Variants in SEZ6 observed in about 807,000 individuals in gnomAD.
SEZ6 encodes the protein seizure related 6 homolog.
Under a neutral mutation model 101.0 loss-of-function variants are expected in SEZ6, and 53 were observed. That is an observed-to-expected ratio of 0.52 (90% confidence interval 0.42 to 0.66). The LOEUF (loss-of-function observed/expected upper bound fraction) is 0.66. Ranked by LOEUF, SEZ6 falls within the 30% of genes least tolerant of loss-of-function variation. The pLI is 0.00. For missense variants in SEZ6, 1,102 were observed against 1,289.4 expected (o/e 0.85, Z 2.23); for synonymous variants, 488 against 512.2 (o/e 0.95, Z 0.64).
intron 4 of SEZ6, among the ~76,000 whole-genome samples, chr17:28,964,950 G>T (rs958115410): frequency 6.6e-6 from 1 of 152,128 alleles, no homozygotes; most frequent in African/African-American, 2.4e-5. Context: ...CAGCTACGGG[G>T]GAGGCTGAGG....
At chr17:28,982,803 G>A (rs1170426663) in intron 1 of SEZ6, among the ~76,000 whole-genome samples, 1 of 152,078 alleles carries the variant, frequency 6.6e-6, no homozygotes, top group Non-Finnish European at 1.5e-5. Flanking sequence ...ACTTCTAGTA[G>A]CTGGGACTAC....
intron 1 of SEZ6, among the ~76,000 whole-genome samples, chr17:28,997,776 G>A (rs1007299288): frequency 1.3e-5 from 2 of 152,104 alleles, no homozygotes. Flanking sequence ...CAGGCATCAT[G>A]AATTCTCAAG....
Position 28,982,011 on chromosome 17 carries a change from C to A in SEZ6, c.84G>T (p.Gly28=). 6.2e-7 allele frequency: 1 copy of A among 1,607,148 alleles called. No individual in the cohort carries two copies. Among genetic ancestry groups the A allele is most frequent in the South Asian group, 1.1e-5 (1 of 90,898 alleles). Residue 28 remains glycine, a synonymous_variant, in exon 2 of 17, where the codon GGG becomes GGT. Transcript: ENST00000317338. ...HGLSLEAPTV[G]KGQAPGIEET... ...CCTCGATGCCTGGGGCTTGTCCTTT[C>A]CCCACGGTTGGGGCCTCTAAAGAGA...
chr17:28,992,820 A>C (rs377533582), intron 1 of SEZ6, among the ~76,000 whole-genome samples: 2 of 152,284 alleles, frequency 1.3e-5, no homozygotes, highest in South Asian at 2.1e-4. Flanking sequence ...TTCAATTTAC[A>C]GTCTAATATG....
intron 1 of SEZ6, among the ~76,000 whole-genome samples, chr17:28,996,299 C>T (rs984111092): frequency 3.3e-5 from 5 of 152,208 alleles, no homozygotes; most frequent in South Asian, 4.1e-4. Context: ...CCTCTCCCAT[C>T]GGCAGGCAGG....
Position 29,005,866 on chromosome 17 carries a change from G to C in SEZ6, c.4C>G (p.Arg2Gly), listed in dbSNP as rs2041683387. The C allele has an allele frequency of 2.0e-6, 3 of 1,470,398 alleles. No individual in the cohort carries two copies. Among genetic ancestry groups the C allele is most frequent in the African/African-American group, 1.5e-5 (1 of 68,082 alleles). 91.1% of individuals were successfully genotyped at this position (1,470,398 alleles called of 1,614,324 possible). The part of the protein sequence containing the change: M[R>G]PVALLLLPSL... ...GGCAGGAGCAGCAGGGCTACCGGGC[G>C]CATGGTGCTGGTTGCGGCCGCGCCC... The change falls in exon 1 of 17, where the codon CGC becomes GGC. Residue 2 changes from arginine to glycine, a missense_variant. Physicochemically the swap from Arg to Gly is moderately radical, Grantham distance 125 (BLOSUM62 -2). Transcript: ENST00000317338. This position sits in a 1 kb window ranked among gnomAD's most constrained non-coding sequence, Gnocchi z 4.8.
chr17:28,972,107 C>T (rs1212906672), intron 3 of SEZ6, among the ~76,000 whole-genome samples: 8 of 152,264 alleles, frequency 5.3e-5, no homozygotes, highest in Non-Finnish European at 1.2e-4. Flanking sequence ...TTCTTCCCCT[C>T]CTGGTGAAGC....
At chr17:28,987,800 A>G (rs1165928857) in intron 1 of SEZ6, among the ~76,000 whole-genome samples, 2 of 152,152 alleles carry the variant, frequency 1.3e-5, no homozygotes, top group African/African-American at 4.8e-5. Flanking sequence ...ATCCCAAGAG[A>G]TGAAGACACT....
chr17:28,956,033 C>T (rs1418806169), intron 16 of SEZ6, 39 bp from the exon 17 acceptor site: 8 of 1,610,250 alleles, frequency 5.0e-6, no homozygotes, highest in Non-Finnish European at 6.8e-6. Flanking sequence ...TTTGCCAGGC[C>T]ATAATTCACC....
intron 11 of SEZ6, 70 bp from the exon 12 acceptor site, chr17:28,957,609 T>C: frequency 1.3e-6 from 2 of 1,502,792 alleles, no homozygotes; most frequent in Non-Finnish European, 1.8e-6. Flanking sequence ...ACCCTGGCTT[T>C]GTTCCAGGCC....
chr17:28,959,388 C>A lies in SEZ6; in HGVS notation c.1856G>T (p.Cys619Phe). 6.2e-7 allele frequency: 1 copy of A among 1,613,940 alleles called. No homozygotes were observed. The highest frequency in any genetic ancestry group is 1.3e-5 in the African/African-American group (1 of 75,036). ...WPEPYGRGQDCIWGVHVEEDK... is the reference protein window; with the variant it reads ...WPEPYGRGQDFIWGVHVEEDK... ...CTCTTCCACATGCACACCCCAGATACAATCCTGCCCACGACCGTAGGGCTC... is the reference window on the plus strand; with the variant it reads ...CTCTTCCACATGCACACCCCAGATAAAATCCTGCCCACGACCGTAGGGCTC... The change falls in exon 9 of 17, where the codon TGT becomes TTT. Residue 619 changes from cysteine (C) to phenylalanine (F), a missense_variant. By Grantham distance (205) the Cys-to-Phe change is radical. Around this residue, in one of 3 missense-constraint regions of SEZ6, gnomAD observed 556 missense variants for 735.1 expected, o/e 0.76. Coordinates refer to ENST00000317338, the MANE Select transcript of SEZ6 (RefSeq NM_178860.5). The surrounding 1 kb of genome is among the most constrained non-coding windows in gnomAD (Gnocchi z 4.4).
In SEZ6 at chr17:28,957,352, A is replaced by T; in HGVS notation, c.2490T>A (p.Cys830Ter). 1 of 1,612,160 alleles carries T rather than the reference A, an allele frequency of 6.2e-7. No homozygotes were observed. Among genetic ancestry groups the T allele is most frequent in the Non-Finnish European group, 8.5e-7 (1 of 1,178,458 alleles). The change falls in exon 12 of 17, where the codon TGT becomes TGA. Residue 830 changes from cysteine to a stop codon, truncating the protein, a stop_gained. Coordinates refer to ENST00000317338, the MANE Select transcript of SEZ6 (RefSeq NM_178860.5). LOFTEE classifies it high-confidence loss of function. ...SPKWSDRAPK[C>*]LLEQLKPCHG... ...TCCTACTCAATTGACACTTACGGAG[A>T]CATTTAGGGGCCCGGTCACTCCACT...
At chr17:28,995,468 T>C (rs939959845) in intron 1 of SEZ6, among the ~76,000 whole-genome samples, 1 of 152,036 alleles carries the variant, frequency 6.6e-6, no homozygotes, top group Admixed American at 6.6e-5. Context: ...TGCCCCATCA[T>C]CTACACCATC....
chr17:28,960,298 G>C (rs2040955126), intron 7 of SEZ6: 3 of 687,348 alleles, frequency 4.4e-6, no homozygotes, highest in South Asian at 3.7e-5. Flanking sequence ...CCTGGGTCCA[G>C]GCAGAGGTTT....
chr17:29,002,859 G>A (rs1598218389), intron 1 of SEZ6, among the ~76,000 whole-genome samples: 2 of 152,252 alleles, frequency 1.3e-5, no homozygotes, highest in South Asian at 2.1e-4. Flanking sequence ...AAGCTGAGTC[G>A]TCCTTCCTCT....
chr17:28,974,301 C>T (rs1294217098), intron 3 of SEZ6, among the ~76,000 whole-genome samples: 1 of 152,148 alleles, frequency 6.6e-6, no homozygotes, highest in East Asian at 1.9e-4. Context: ...CGGACACAGG[C>T]CCACTTACAC....
chr17:28,979,880 CGTGT>C (rs3052131), intron 2 of SEZ6, 67 bp from the exon 3 acceptor site: 43,582 of 851,814 alleles, frequency 0.051, 283 homozygotes, highest in African/African-American at 0.09. Flanking sequence ...AAGGCTGAAC[CGTGT>C]GTGTGTGTGT....
intron 1 of SEZ6, among the ~76,000 whole-genome samples, chr17:28,997,634 C>G (rs910563039): frequency 1.3e-5 from 2 of 152,214 alleles, no homozygotes; most frequent in African/African-American, 4.8e-5. Flanking sequence ...TCAGCCTCTC[C>G]TGGTGATGGA....
At chr17:28,998,876 C>G (rs2041578165) in intron 1 of SEZ6, among the ~76,000 whole-genome samples, 1 of 152,200 alleles carries the variant, frequency 6.6e-6, no homozygotes, top group Non-Finnish European at 1.5e-5. Flanking sequence ...GGCCAGGAGT[C>G]TCCTGTCCTT....
Sources: gnomAD v4.1 joint callset for allele counts (sites outside exome capture counted in the v4.1 genomes callset) on GRCh38, gnomAD v4.1.1 for gene constraint, gnomAD v4.1.1 regional missense constraint, Gnocchi (gnomAD v3.1) non-coding constraint, MANE v1.5 for transcripts, NCBI Gene and HGNC (gene_info 2026-07-23, HGNC 2026-07-21) for gene names.